NECAB2: variants seen among roughly 807,000 people sequenced by gnomAD.
NECAB2 encodes N-terminal EF-hand calcium-binding protein 2.
Under a neutral mutation model 51.9 loss-of-function variants are expected in NECAB2, and 68 were observed. That is an observed-to-expected ratio of 1.31 (90% CI 1.08 to 1.60). NECAB2 has a LOEUF of 1.60. Ranked by LOEUF, NECAB2 falls within the 40% of genes most tolerant of loss-of-function variation. NECAB2 has a pLI of 0.00. For missense variants in NECAB2, 854 were observed against 490.3 expected (o/e 1.74, Z -7.00); for synonymous variants, 329 against 203.5 (o/e 1.62, Z -5.25).
upstream of NECAB2, chr16:83,966,359 C>CAG (rs555069839): frequency 9.8e-4 from 295 of 300,700 alleles, 2 homozygotes; most frequent in African/African-American, 6.0e-3. Flanking sequence ...ACTCTGTGCT[C>CAG]GGAGGGAGCT....
At chr16:83,973,306 T>C (rs2084368976) in intron 2 of NECAB2, among the ~76,000 whole-genome samples, 1 of 152,090 alleles carries the variant, frequency 6.6e-6, no homozygotes, top group Non-Finnish European at 1.5e-5. Flanking sequence ...GGAGTTCCTG[T>C]TGACGGCTCC....
chr16:83,966,292 C>T, upstream of NECAB2: 1 of 473,570 alleles, frequency 2.1e-6, no homozygotes, highest in East Asian at 3.3e-5. Flanking sequence ...AGCCCTGCGC[C>T]TTCCAGAAGC....
rs1267920109 is a variant in NECAB2, at chr16:84,002,603, C to T, written c.*257C>T. The T allele has an allele frequency of 1.0e-5, 6 of 577,338 alleles. No individual in the cohort carries two copies. The highest frequency in any genetic ancestry group is 1.9e-5 in the Non-Finnish European group (6 of 323,684). The allele number at this position is 577,338 out of a possible 1,614,324, so 35.8% of individuals were successfully genotyped here. ...TTCCTGGAGCCAGCACCCCTGCCTC[C>T]TGGTCCTGGCCTCTCCCCTACCCCT... On this transcript the variant is annotated 3_prime_UTR_variant, in exon 13 of 13. Coordinates refer to ENST00000305202, the MANE Select transcript of NECAB2 (RefSeq NM_019065.3).
intron 1 of NECAB2, among the ~76,000 whole-genome samples, chr16:83,970,115 C>T (rs1285207845): frequency 9.2e-5 from 14 of 152,178 alleles, no homozygotes; most frequent in Admixed American, 9.2e-4. Context: ...AGCCCTGCAG[C>T]CCCAAGCTGC....
chr16:83,966,068 T>G (rs563057546), upstream of NECAB2: 17 of 1,305,248 alleles, frequency 1.3e-5, no homozygotes, highest in South Asian at 2.4e-4. Flanking sequence ...ACATCCCTGC[T>G]GGATGCAGGA....
Position 83,995,318 on chromosome 16 carries a change from C to T in NECAB2, c.795+630C>T, listed in dbSNP as rs140435871. On this transcript the variant is annotated intron_variant, in intron 8 of 12. Transcript: ENST00000305202. ...GGTATCAGTCAGAATTCTGGTTGTG[C>T]CACTTCATAGCTGTGTGACCCTGGG... Among the ~76,000 whole-genome samples, 656 of 152,244 alleles carry T rather than the reference C, an allele frequency of 4.3e-3. 3 individuals carry two copies. The highest frequency in any genetic ancestry group is 0.015 in the African/African-American group (607 of 41,536).
At chr16:83,997,707 C>T (rs1007004758) in intron 9 of NECAB2, among the ~76,000 whole-genome samples, 1 of 151,662 alleles carries the variant, frequency 6.6e-6, no homozygotes, top group African/African-American at 2.4e-5. Flanking sequence ...GTTGGTCAGG[C>T]TGGTCTCAAA....
chr16:84,000,820 A>C lies in NECAB2; in HGVS notation c.1040+19A>C. 6.2e-7 allele frequency: 1 copy of C among 1,609,878 alleles called. No individual in the cohort carries two copies. The highest frequency in any genetic ancestry group is 1.7e-4 in the Middle Eastern group (1 of 6,008). On this transcript the variant is annotated intron_variant, in intron 11 of 12. Coordinates refer to ENST00000305202, the MANE Select transcript of NECAB2 (RefSeq NM_019065.3). Reference sequence around the variant, plus strand: ...GGAAGAGGTGAGATGCTGGGTCCCCACAGCAGGTGAGGGAGACAGAGGGAA... The same window carrying C: ...GGAAGAGGTGAGATGCTGGGTCCCCCCAGCAGGTGAGGGAGACAGAGGGAA...
chr16:84,001,722 T>C (rs565529842), intron 11 of NECAB2, 103 bp from the exon 12 acceptor site: 3 of 1,272,556 alleles, frequency 2.4e-6, no homozygotes, highest in East Asian at 2.5e-5. Context: ...CCCGTGCTTA[T>C]TGATAAGCTC....
chr16:83,999,362 C>G (rs1249946466), intron 10 of NECAB2, among the ~76,000 whole-genome samples: 2 of 152,176 alleles, frequency 1.3e-5, no homozygotes, highest in Non-Finnish European at 2.9e-5. Context: ...AAGTGGGAGG[C>G]TCCAGGGTGA....
chr16:83,988,150 CA>C (rs2084578286), intron 5 of NECAB2, among the ~76,000 whole-genome samples: 1 of 152,212 alleles, frequency 6.6e-6, no homozygotes, highest in Admixed American at 6.5e-5. Flanking sequence ...CTTGTTTAAT[CA>C]GATCTGGGAC....
In NECAB2 at chr16:83,971,862, C is replaced by T. The variant is rs1047498872; in HGVS notation, c.202-289C>T. The T allele has an allele frequency of 1.4e-5, 8 of 573,470 alleles. No individual in the cohort carries two copies. In the Admixed American group the frequency reaches 2.1e-4, roughly 15 times the overall value. The allele number at this position is 573,470 out of a possible 1,614,324, so 35.5% of individuals were successfully genotyped here. ...TGGACTGATGACTGTGGACCTACAC[C>T]TGCAGGGATGGCCGTGGGCCTGCGT... On this transcript the variant is annotated intron_variant, in intron 1 of 12. Transcript: ENST00000305202.
chr16:83,970,067 A>G (rs745965442), intron 1 of NECAB2, among the ~76,000 whole-genome samples: 66 of 152,288 alleles, frequency 4.3e-4, no homozygotes, highest in Admixed American at 1.6e-3. Flanking sequence ...TCCCCTCCTC[A>G]GGACCCCCGC....
intron 6 of NECAB2, among the ~76,000 whole-genome samples, chr16:83,991,192 A>G (rs1471925341): frequency 1.3e-5 from 2 of 151,952 alleles, no homozygotes; most frequent in Non-Finnish European, 2.9e-5. Flanking sequence ...CATGTTGGCC[A>G]GGCTGGTCTT....
chr16:83,990,474 C>A lies in NECAB2; in HGVS notation c.460-20C>A, dbSNP rs1250947032. ...CCTCCCACCCCTTTCCCCTCAGTGCCTCTTCTCTTCCTTCCACAGGTATAT... is the reference window on the plus strand; with the variant it reads ...CCTCCCACCCCTTTCCCCTCAGTGCATCTTCTCTTCCTTCCACAGGTATAT... On this transcript the variant is annotated intron_variant, in intron 5 of 12. Coordinates refer to ENST00000305202, the MANE Select transcript of NECAB2 (RefSeq NM_019065.3). 1.2e-6 allele frequency: 2 copies of A among 1,613,208 alleles called. No homozygotes were observed. The highest frequency in any genetic ancestry group is 2.7e-5 in the African/African-American group (2 of 74,902).
intron 5 of NECAB2, among the ~76,000 whole-genome samples, chr16:83,987,336 G>C (rs148246345): frequency 1.3e-5 from 2 of 152,040 alleles, no homozygotes; most frequent in Non-Finnish European, 2.9e-5. Flanking sequence ...ACTAAATTGC[G>C]TTTTGTCATT....
chr16:83,991,966 A>C (rs1315751502), intron 6 of NECAB2, among the ~76,000 whole-genome samples: 3 of 152,116 alleles, frequency 2.0e-5, no homozygotes, highest in African/African-American at 7.2e-5. Flanking sequence ...CACTTTTGAA[A>C]ATTAGAAAGC....
At chr16:83,995,604 C>T (rs565304238) in intron 8 of NECAB2, among the ~76,000 whole-genome samples, 1 of 152,206 alleles carries the variant, frequency 6.6e-6, no homozygotes, top group African/African-American at 2.4e-5. Context: ...ACTGAGCTCT[C>T]AGAACCCTGG....
At chr16:83,973,848 C>A (rs558903728) in intron 2 of NECAB2, among the ~76,000 whole-genome samples, 1 of 151,930 alleles carries the variant, frequency 6.6e-6, no homozygotes, top group Non-Finnish European at 1.5e-5. Context: ...GTGTGTCCAG[C>A]GTGGGCCTCT....
Sources: allele counts gnomAD v4.1 joint callset (sites outside exome capture counted in the v4.1 genomes callset), GRCh38; gene constraint gnomAD v4.1.1; transcripts MANE v1.5; gene names NCBI Gene and HGNC (gene_info 2026-07-23, HGNC 2026-07-21).